SMURF2: variants seen among roughly 807,000 people sequenced by gnomAD.
SMURF2 encodes the protein E3 ubiquitin-protein ligase SMURF2.
In SMURF2, 48 loss-of-function variants were observed where a neutral mutation model predicts 109.6. The observed-to-expected ratio is 0.44, with a 90% CI of 0.35 to 0.56. The LOEUF (loss-of-function observed/expected upper bound fraction) is 0.56, where lower values mean the gene tolerates loss of function less well. Ranked by LOEUF, SMURF2 falls within the 20% of genes least tolerant of loss-of-function variation. SMURF2 has a pLI of 0.01. For missense variants in SMURF2, 575 were observed against 909.0 expected, an observed-to-expected ratio of 0.63 and a Z score of 4.72; for synonymous variants, 288 against 317.1, an observed-to-expected ratio of 0.91 and a Z score of 0.97.
In SMURF2 at chr17:64,661,934, G is replaced by C; in HGVS notation, c.-54C>G. ...GCGGGCGGCACGGGGGCGACGGCGAGGCGCGGCGGAGTCACCACAGCGGCC... is the reference window on the plus strand; with the variant it reads ...GCGGGCGGCACGGGGGCGACGGCGACGCGCGGCGGAGTCACCACAGCGGCC... On this transcript the variant is annotated 5_prime_UTR_variant, in exon 1 of 19. Transcript: ENST00000262435. 1.7e-6 allele frequency: 2 copies of C among 1,153,024 alleles called. No individual in the cohort carries two copies. The highest frequency in any genetic ancestry group is 8.5e-5 in the South Asian group (2 of 23,616). The allele number at this position is 1,153,024 out of a possible 1,614,324, so 71.4% of individuals were successfully genotyped here.
intron 12 of SMURF2, among the ~76,000 whole-genome samples, 197 bp downstream of exon 12, chr17:64,561,303 G>A (rs1555684494): frequency 1.3e-5 from 2 of 152,122 alleles, no homozygotes; most frequent in Non-Finnish European, 2.9e-5. Flanking sequence ...TGGTCTACTG[G>A]GGAGTTCCAG....
rs78002519 is a variant in SMURF2 at position 64,615,323 on chromosome 17, T to C, written c.53-8683A>G. ...TTCACCCCACAAAAAGATTTTATAATACTGTCCCTGCAACTCAAAAGTAGC... is the reference window on the plus strand; with the variant it reads ...TTCACCCCACAAAAAGATTTTATAACACTGTCCCTGCAACTCAAAAGTAGC... On this transcript the variant is annotated intron_variant, in intron 1 of 18. Transcript: ENST00000262435. Among the ~76,000 whole-genome samples, 204 of 152,300 alleles carry C rather than the reference T, an allele frequency of 1.3e-3. 2 individuals carry two copies. In the East Asian group the frequency reaches 0.031, roughly 23 times the overall value.
At chr17:64,604,742 G>C (rs1444988805) in intron 2 of SMURF2, among the ~76,000 whole-genome samples, 3 of 151,958 alleles carry the variant, frequency 2.0e-5, no homozygotes, top group Non-Finnish European at 4.4e-5. Flanking sequence ...TCAGGCATTC[G>C]AGACCAGCCT....
At chr17:64,646,005 T>A (rs1171749112) in intron 1 of SMURF2, among the ~76,000 whole-genome samples, 1 of 152,102 alleles carries the variant, frequency 6.6e-6, no homozygotes, top group African/African-American at 2.4e-5. Context: ...CCAAAAAAAA[T>A]TACCAAGATC....
chr17:64,647,269 G>A lies in SMURF2; in HGVS notation c.52+14560C>T, dbSNP rs570785732. 2.0e-5 allele frequency among the ~76,000 whole-genome samples: 3 copies of A among 147,292 alleles called. No individual in the cohort carries two copies. The East Asian group carries it at 5.9e-4, about 29-fold the overall frequency. On this transcript the variant is annotated intron_variant, in intron 1 of 18. Transcript: ENST00000262435. ...GGGTTAACTAAGCTGGAAATCAGAAGAAACTGAAAAAAAAAGAAAAAAAAA... is the reference window on the plus strand; with the variant it reads ...GGGTTAACTAAGCTGGAAATCAGAAAAAACTGAAAAAAAAAGAAAAAAAAA...
chr17:64,572,965 T>C (rs1379861806), intron 9 of SMURF2: 3 of 151,806 alleles, frequency 2.0e-5, no homozygotes, highest in South Asian at 2.1e-4. Context: ...CGTGTAACAA[T>C]GTATGATATG....
intron 18 of SMURF2, 73 bp from the exon 19 acceptor site, chr17:64,546,020 T>G: frequency 1.0e-6 from 1 of 980,294 alleles, no homozygotes; most frequent in East Asian, 2.4e-5. Context: ...TGTATACCAG[T>G]ATAGCCACAT....
chr17:64,621,988 A>AATAATAAT (rs57035569), intron 1 of SMURF2, among the ~76,000 whole-genome samples: 2,389 of 128,206 alleles, frequency 0.019, 62 homozygotes, highest in African/African-American at 0.062. Context: ...ATAATAATAA[A>AATAATAAT]AAAAAGCACT....
rs1969581120 is a variant in SMURF2, at chr17:64,581,786, A to C, written c.570-795T>G. ...ACAGCGAAACCCCATCTCTACTAAA[A>C]ATACAAAAATTAGCCGGGTGTGGGG... On this transcript the variant is annotated intron_variant, in intron 7 of 18. Transcript: ENST00000262435. This position sits in a 1 kb window ranked among gnomAD's most constrained non-coding sequence, Gnocchi z 4.3. Among the ~76,000 whole-genome samples, 1 of 151,960 alleles carries C rather than the reference A, an allele frequency of 6.6e-6. No homozygotes were observed. The highest frequency in any genetic ancestry group is 1.5e-5 in the Non-Finnish European group (1 of 68,006).
intron 18 of SMURF2, 56 bp downstream of exon 18, chr17:64,546,207 T>C (rs1968951954): frequency 1.2e-5 from 18 of 1,543,130 alleles, no homozygotes; most frequent in Non-Finnish European, 1.6e-5. Context: ...TCAAATCTGT[T>C]TGGAACTAAC....
chr17:64,660,934 T>C (rs1970766267), intron 1 of SMURF2: 1 of 152,120 alleles, frequency 6.6e-6, no homozygotes, highest in African/African-American at 2.4e-5. Flanking sequence ...GCACCTGGAA[T>C]CATAAACACT....
At chr17:64,563,088 G>A in intron 10 of SMURF2, 122 bp from the exon 11 acceptor site, 1 of 855,394 alleles carries the variant, frequency 1.2e-6, no homozygotes, top group Non-Finnish European at 1.7e-6. Context: ...AGCCTTAGTA[G>A]AACATATACT....
At chr17:64,647,422 C>T (rs782194740) in intron 1 of SMURF2, among the ~76,000 whole-genome samples, 4 of 152,012 alleles carry the variant, frequency 2.6e-5, no homozygotes, top group Admixed American at 6.6e-5. Context: ...GGTTCACACC[C>T]GTAATCCCAG....
chr17:64,587,157 A>G (rs1246341105), intron 5 of SMURF2, among the ~76,000 whole-genome samples: 1 of 152,224 alleles, frequency 6.6e-6, no homozygotes. Context: ...GCCTGGCAAC[A>G]GAGTGAGACT....
At chr17:64,632,147 C>T (rs781976479) in intron 1 of SMURF2, among the ~76,000 whole-genome samples, 3 of 151,980 alleles carry the variant, frequency 2.0e-5, no homozygotes, top group Non-Finnish European at 4.4e-5. Flanking sequence ...TTAGTAGAGA[C>T]GGGGTTTCAC....
intron 9 of SMURF2, among the ~76,000 whole-genome samples, chr17:64,578,049 C>T (rs920928257): frequency 2.0e-5 from 3 of 149,986 alleles, no homozygotes; most frequent in Admixed American, 6.8e-5. Flanking sequence ...TGGGTTCAAG[C>T]GATTCCCTGC....
intron 1 of SMURF2, among the ~76,000 whole-genome samples, chr17:64,622,162 G>T (rs1970215279): frequency 6.6e-6 from 1 of 151,232 alleles, no homozygotes; most frequent in Admixed American, 6.6e-5. Flanking sequence ...ATATATTTTT[G>T]AAATAATTCC....
intron 1 of SMURF2, among the ~76,000 whole-genome samples, chr17:64,633,489 G>T (rs2144712429): frequency 6.6e-6 from 1 of 152,140 alleles, no homozygotes; most frequent in East Asian, 1.9e-4. Context: ...TATTAGCTGG[G>T]TAAAAATAAA....
chr17:64,661,967 G>A lies in SMURF2; in HGVS notation c.-87C>T, dbSNP rs1397298527. The A allele has an allele frequency of 1.9e-5, 21 of 1,127,582 alleles. No individual in the cohort carries two copies. The highest frequency in any genetic ancestry group is 2.2e-5 in the Non-Finnish European group (20 of 921,728). 69.8% of individuals were successfully genotyped at this position (1,127,582 alleles called of 1,614,324 possible). A position where few individuals can be genotyped will look rare whatever the true frequency, so the allele number is the denominator to read the frequency against. On this transcript the variant is annotated 5_prime_UTR_variant, in exon 1 of 19. Coordinates refer to ENST00000262435, the MANE Select transcript of SMURF2 (RefSeq NM_022739.4). Reference sequence around the variant, plus strand: ...GGAGTCACCACAGCGGCCGGGGCTGGGGCCCGAGCAGCCGGCGCCTCGGCC... The same window carrying A: ...GGAGTCACCACAGCGGCCGGGGCTGAGGCCCGAGCAGCCGGCGCCTCGGCC...
Sources: gnomAD v4.1 joint callset for allele counts (sites outside exome capture counted in the v4.1 genomes callset) on GRCh38, gnomAD v4.1.1 for gene constraint, Gnocchi (gnomAD v3.1) non-coding constraint, MANE v1.5 for transcripts, NCBI Gene and HGNC (gene_info 2026-07-23, HGNC 2026-07-21) for gene names.